Variants in SLC26A5 observed in about 807,000 individuals in gnomAD.
SLC26A5 encodes solute carrier family 26 member 5.
In SLC26A5, 51 loss-of-function variants were observed where a neutral mutation model predicts 81.0. That is an observed-to-expected ratio of 0.63 (90% CI 0.50 to 0.80). The LOEUF (loss-of-function observed/expected upper bound fraction) is 0.80, where lower values mean the gene tolerates loss of function less well. Among genes scored for constraint, SLC26A5 ranks in the 30% least tolerant of loss-of-function variants. The pLI, the probability that SLC26A5 is intolerant of heterozygous loss-of-function variation, is 0.00. For synonymous variants in SLC26A5, 325 were observed against 332.8 expected, an observed-to-expected ratio of 0.98 and a Z score of 0.25; for missense variants, 771 against 905.8, an observed-to-expected ratio of 0.85 and a Z score of 1.91.
In SLC26A5 at chr7:103,413,854, C is replaced by T. The variant is rs139753983; in HGVS notation, c.293-742G>A. Among the ~76,000 whole-genome samples, 372 of 152,158 alleles carry T rather than the reference C, an allele frequency of 2.4e-3. 3 individuals carry two copies. Among genetic ancestry groups the T allele is most frequent in the African/African-American group, 8.5e-3 (351 of 41,502 alleles). On this transcript the variant is annotated intron_variant, in intron 4 of 19. Coordinates refer to ENST00000306312, the MANE Select transcript of SLC26A5 (RefSeq NM_198999.3). ...TTCACAGCAAATTGAGCAAAAGATA[C>T]AGAGGTTTTCCATACATTCCCTGCC...
At chr7:103,403,803 C>T (rs1467579760) in intron 8 of SLC26A5, among the ~76,000 whole-genome samples, 2 of 151,664 alleles carry the variant, frequency 1.3e-5, no homozygotes, top group Non-Finnish European at 2.9e-5. Flanking sequence ...GAATACAGCA[C>T]ACTGATGGGT....
At chr7:103,434,121 A>G (rs1290480943) in intron 2 of SLC26A5, among the ~76,000 whole-genome samples, 1 of 151,958 alleles carries the variant, frequency 6.6e-6, no homozygotes, top group Non-Finnish European at 1.5e-5. Context: ...TTATACCCTC[A>G]TTTTGCTGGA....
chr7:103,373,796 A>G (rs963072078), downstream of SLC26A5, among the ~76,000 whole-genome samples: 4 of 152,220 alleles, frequency 2.6e-5, no homozygotes, highest in Admixed American at 2.6e-4. Flanking sequence ...GTAAATGTAT[A>G]TGTATGGAAA....
chr7:103,362,206 C>T, intron 19 of SLC26A5: 1 of 1,522,118 alleles, frequency 6.6e-7, no homozygotes. Context: ...AAAGGATGAT[C>T]TAGTAATGTA....
At chr7:103,368,425 C>CTACT (rs1021041931) in intron 19 of SLC26A5, 2 of 161,716 alleles carry the variant, frequency 1.2e-5, no homozygotes, top group African/African-American at 4.8e-5. Context: ...ATAAACTTTC[C>CTACT]TACTTACTTG....
intron 2 of SLC26A5, among the ~76,000 whole-genome samples, chr7:103,427,080 T>A (rs1247611008): frequency 6.6e-6 from 1 of 152,006 alleles, no homozygotes. Context: ...CATAGATTTT[T>A]TTTTTTTTTT....
chr7:103,403,056 A>G (rs565681795), intron 8 of SLC26A5, among the ~76,000 whole-genome samples: 1 of 152,230 alleles, frequency 6.6e-6, no homozygotes, highest in African/African-American at 2.4e-5. Context: ...TGTGTCCCAG[A>G]GATTCTGGTC....
chr7:103,385,973 G>A (rs1171169859), intron 14 of SLC26A5, among the ~76,000 whole-genome samples: 3 of 151,266 alleles, frequency 2.0e-5, no homozygotes, highest in Admixed American at 2.0e-4. Context: ...TTTCACCCAG[G>A]CTGGAGTGTA....
intron 10 of SLC26A5, among the ~76,000 whole-genome samples, chr7:103,391,955 G>T (rs1218243804): frequency 6.6e-6 from 1 of 152,186 alleles, no homozygotes; most frequent in Non-Finnish European, 1.5e-5. Context: ...AGAGATAAAC[G>T]CTGGGCTCCC....
intron 19 of SLC26A5, among the ~76,000 whole-genome samples, chr7:103,363,027 C>G (rs1820505106): frequency 6.6e-6 from 1 of 152,178 alleles, no homozygotes; most frequent in South Asian, 2.1e-4. Context: ...CTCATGACCT[C>G]AAGTGTTTGG....
intron 8 of SLC26A5, among the ~76,000 whole-genome samples, chr7:103,401,968 T>C (rs994656816): frequency 1.3e-5 from 2 of 152,242 alleles, no homozygotes; most frequent in East Asian, 1.9e-4. Flanking sequence ...CAGTATTTTA[T>C]TGAGGATTTT....
At chr7:103,417,104 G>T (rs1824967284) in intron 4 of SLC26A5, among the ~76,000 whole-genome samples, 1 of 152,034 alleles carries the variant, frequency 6.6e-6, no homozygotes, top group Non-Finnish European at 1.5e-5. Context: ...GGGCACAGTG[G>T]CTCACCCCTG....
At chr7:103,428,241 T>C (rs759052448) in intron 2 of SLC26A5, among the ~76,000 whole-genome samples, 2 of 152,072 alleles carry the variant, frequency 1.3e-5, no homozygotes, top group Non-Finnish European at 2.9e-5. Context: ...ATTGGGAAAA[T>C]AGATTGTGAG....
rs182226083 is a variant in SLC26A5 at position 103,376,049 on chromosome 7, G to A, written c.2041+759C>T. On this transcript the variant is annotated intron_variant, in intron 19 of 19. Coordinates refer to ENST00000306312, the MANE Select transcript of SLC26A5 (RefSeq NM_198999.3). ...TGGGATTACAGGTGTGAGCCACCAC[G>A]CCGGGCTCCTTTTCTAAAAAATCAT... 2.7e-3 allele frequency among the ~76,000 whole-genome samples: 397 copies of A among 148,626 alleles called. 3 individuals are homozygous for A. The highest frequency in any genetic ancestry group is 9.3e-3 in the African/African-American group (375 of 40,218).
chr7:103,364,250 T>C, intron 19 of SLC26A5: 1 of 1,614,244 alleles, frequency 6.2e-7, no homozygotes, highest in East Asian at 2.2e-5. Flanking sequence ...CTAATCGGAC[T>C]GATGCGTGCT....
chr7:103,413,140 G>C (rs748269989), intron 4 of SLC26A5, 28 bp from the exon 5 acceptor site: 10 of 1,419,066 alleles, frequency 7.0e-6, no homozygotes, highest in Non-Finnish European at 9.0e-6. Context: ...AAACAGAAAT[G>C]GGGGATCATT....
chr7:103,390,773 G>C (rs1172831916), intron 11 of SLC26A5, among the ~76,000 whole-genome samples: 1 of 152,000 alleles, frequency 6.6e-6, no homozygotes, highest in Non-Finnish European at 1.5e-5. Flanking sequence ...AAGATGTCTG[G>C]TGCCAACCTG....
At chr7:103,368,777 T>C (rs1008962315) in intron 19 of SLC26A5, 5 of 152,326 alleles carry the variant, frequency 3.3e-5, no homozygotes, top group African/African-American at 1.2e-4. Flanking sequence ...TTTGTACATA[T>C]GATCTAATTT....
chr7:103,393,089 A>C, intron 9 of SLC26A5, 23 bp from the exon 10 acceptor site: 2 of 1,613,690 alleles, frequency 1.2e-6, no homozygotes, highest in African/African-American at 1.3e-5. Flanking sequence ...GCTGCCTTTA[A>C]CTTGTGTTGT....
Sources: allele counts gnomAD v4.1 joint callset (sites outside exome capture counted in the v4.1 genomes callset), GRCh38; gene constraint gnomAD v4.1.1; transcripts MANE v1.5; gene names NCBI Gene and HGNC (gene_info 2026-07-23, HGNC 2026-07-21).